The following PKD2L1 variants were observed in gnomAD, a reference collection of about 807,000 sequenced individuals.
The protein encoded by PKD2L1 is polycystin 2 like 1, transient receptor potential cation channel.
In PKD2L1, 77 loss-of-function variants were observed where a neutral mutation model predicts 93.0. That is an observed-to-expected ratio of 0.83 (90% CI 0.69 to 1.00). The LOEUF (loss-of-function observed/expected upper bound fraction) is 1.00, where lower values mean the gene tolerates loss of function less well. Ranked by LOEUF, PKD2L1 falls within the 50% of genes least tolerant of loss-of-function variation. PKD2L1 has a pLI of 0.00. For missense variants in PKD2L1, 977 were observed against 990.9 expected (o/e 0.99, Z 0.19); for synonymous variants, 390 against 388.0 (o/e 1.01, Z -0.06).
chr10:100,308,100 G>A (rs1439232141), intron 2 of PKD2L1, among the ~76,000 whole-genome samples: 19 of 152,082 alleles, frequency 1.2e-4, no homozygotes, highest in Admixed American at 1.2e-3. Context: ...AATGTAGAGA[G>A]TATCTGATTT....
intron 2 of PKD2L1, among the ~76,000 whole-genome samples, chr10:100,315,278 C>T (rs565267033): frequency 6.6e-6 from 1 of 152,154 alleles, no homozygotes; most frequent in South Asian, 2.1e-4. Context: ...TGGTTTGCTG[C>T]ACCTATCAAC....
At chr10:100,329,754 C>T (rs929986165) in intron 1 of PKD2L1, 115 bp downstream of exon 1, 13 of 725,698 alleles carry the variant, frequency 1.8e-5, no homozygotes, top group South Asian at 5.3e-5. Context: ...CCCAAAGTGA[C>T]ACCGAAAGGT....
At chr10:100,314,681 G>C (rs1383226720) in intron 2 of PKD2L1, among the ~76,000 whole-genome samples, 1 of 152,032 alleles carries the variant, frequency 6.6e-6, no homozygotes, top group Non-Finnish European at 1.5e-5. Context: ...CATCCTTCTA[G>C]TGTAAACCAA....
At chr10:100,311,358 C>T (rs1389642524) in intron 2 of PKD2L1, among the ~76,000 whole-genome samples, 2 of 152,154 alleles carry the variant, frequency 1.3e-5, no homozygotes, top group Admixed American at 1.3e-4. Flanking sequence ...TTTACTGTAT[C>T]TGCACTTTTT....
Position 100,298,690 on chromosome 10 carries a change from C to T in PKD2L1, c.603G>A (p.Arg201=). 1 of 1,614,172 alleles carries T rather than the reference C, an allele frequency of 6.2e-7. No homozygotes were observed. The highest frequency in any genetic ancestry group is 8.5e-7 in the Non-Finnish European group (1 of 1,180,024). Residue 201 remains arginine, a synonymous_variant, in exon 4 of 16, where the codon CGG becomes CGA. Coordinates refer to ENST00000318222, the MANE Select transcript of PKD2L1 (RefSeq NM_016112.3). The stretch of plus-strand genomic sequence containing the variant: ...AGGAGTCATTGCGGACCTTTAGCTG[C>T]CGCAGCCTCGGAACCCCCAGCAGCA... ...ENMLLGVPRL[R]QLKVRNDSCV...
intron 2 of PKD2L1, among the ~76,000 whole-genome samples, chr10:100,328,292 G>A (rs1039884517): frequency 6.6e-6 from 1 of 151,974 alleles, no homozygotes; most frequent in Non-Finnish European, 1.5e-5. Context: ...CTTTTCACTT[G>A]CTTCTCTCAA....
chr10:100,297,993 C>A (rs903039084), intron 4 of PKD2L1, among the ~76,000 whole-genome samples: 1 of 152,078 alleles, frequency 6.6e-6, no homozygotes, highest in African/African-American at 2.4e-5. Context: ...CTTGAATAGT[C>A]CCCCTAAGGG....
intron 2 of PKD2L1, among the ~76,000 whole-genome samples, chr10:100,322,179 C>T (rs1237561225): frequency 6.6e-6 from 1 of 152,052 alleles, no homozygotes; most frequent in Non-Finnish European, 1.5e-5. Flanking sequence ...GAGGTTACAC[C>T]ACCGCATAAC....
chr10:100,294,514 A>G (rs1051069583), intron 9 of PKD2L1, 21 bp downstream of exon 9: 1 of 1,613,762 alleles, frequency 6.2e-7, no homozygotes, highest in Non-Finnish European at 8.5e-7. Context: ...CTATGTCCCC[A>G]CCCCTCAGAG....
chr10:100,294,410 C>T (rs762739009), intron 9 of PKD2L1, 125 bp downstream of exon 9: 46 of 991,412 alleles, frequency 4.6e-5, no homozygotes, highest in East Asian at 2.5e-5. Flanking sequence ...ATCCAGACAT[C>T]GGCCCCCCCA....
intron 1 of PKD2L1, 161 bp from the exon 2 acceptor site, chr10:100,329,485 C>T (rs1849456327): frequency 1.1e-6 from 1 of 947,532 alleles, no homozygotes; most frequent in Non-Finnish European, 1.6e-6. Context: ...CACACCCATG[C>T]TTGCTCTTCC....
At chr10:100,301,303 T>A (rs888967852) in intron 2 of PKD2L1, among the ~76,000 whole-genome samples, 1 of 151,976 alleles carries the variant, frequency 6.6e-6, no homozygotes. Context: ...CTTAACAGGG[T>A]TCAAGAGCAG....
rs931778687 is a variant in PKD2L1 at position 100,322,043 on chromosome 10, C to T, written c.349+7168G>A. Among the ~76,000 whole-genome samples, 12 of 151,796 alleles carry T rather than the reference C, an allele frequency of 7.9e-5. No homozygotes were observed. The East Asian group carries it at 2.0e-3, about 25-fold the overall frequency. On this transcript the variant is annotated intron_variant, in intron 2 of 15. Transcript: ENST00000318222. ...GAGTTCGAGACCAGACTGGGCAACA[C>T]GGGGAAGCCCCGTCTCTATGAAAAA...
chr10:100,304,127 T>C (rs998497818), intron 2 of PKD2L1, among the ~76,000 whole-genome samples: 4 of 152,236 alleles, frequency 2.6e-5, no homozygotes, highest in African/African-American at 9.6e-5. Context: ...ACTTTTTAAA[T>C]TGAAGTGCAT....
Position 100,297,573 on chromosome 10 carries a change from G to T in PKD2L1, c.765C>A (p.Gly255=), listed in dbSNP as rs1359040510. ...WTYHSQDELG[G]FSHWGRLTSY... ...TTGTGAGCCTGCCCCAGTGGGAGAA[G>T]CCCCCCAACTCATCCTGCGAGTGGT... Residue 255 remains glycine (G), a synonymous_variant, in exon 5 of 16, where the codon GGC becomes GGA. Coordinates refer to ENST00000318222, the MANE Select transcript of PKD2L1 (RefSeq NM_016112.3). 1 of 1,613,704 alleles carries T rather than the reference G, an allele frequency of 6.2e-7. No individual in the cohort carries two copies. Among genetic ancestry groups the T allele is most frequent in the East Asian group, 2.2e-5 (1 of 44,870 alleles).
intron 2 of PKD2L1, among the ~76,000 whole-genome samples, chr10:100,308,620 C>T (rs1414606183): frequency 1.3e-5 from 2 of 152,212 alleles, no homozygotes; most frequent in African/African-American, 4.8e-5. Context: ...CAGGCATGAG[C>T]CACTGCGCCA....
chr10:100,329,931 T>G lies in PKD2L1; in HGVS notation c.173A>C (p.Gln58Pro). 6.2e-7 allele frequency: 1 copy of G among 1,614,058 alleles called. No homozygotes were observed. Among genetic ancestry groups the G allele is most frequent in the Non-Finnish European group, 8.5e-7 (1 of 1,179,928 alleles). Residue 58 changes from glutamine to proline, a missense_variant, in exon 1 of 16, where the codon CAG becomes CCG. Physicochemically the swap from Gln to Pro is moderately conservative, Grantham distance 76. Coordinates refer to ENST00000318222, the MANE Select transcript of PKD2L1 (RefSeq NM_016112.3). ...CACCTGGGTCCTGTATGCCGTCTCC[T>G]GGGGTTCATCTTCAGGCTTCTTGGG... The part of the protein sequence containing the change: ...PQPKKPEDEP[Q>P]ETAYRTQVSS...
At chr10:100,300,673 A>G (rs1848654819) in intron 2 of PKD2L1, among the ~76,000 whole-genome samples, 1 of 152,158 alleles carries the variant, frequency 6.6e-6, no homozygotes. Context: ...GGAACTACAC[A>G]TTGCCTGTTC....
chr10:100,304,989 A>G (rs536559309), intron 2 of PKD2L1, among the ~76,000 whole-genome samples: 37 of 152,324 alleles, frequency 2.4e-4, no homozygotes, highest in South Asian at 1.2e-3. Flanking sequence ...AGGCAACTCA[A>G]TAAGTAGTTG....
Sources: gnomAD v4.1 joint callset for allele counts (sites outside exome capture counted in the v4.1 genomes callset) on GRCh38, gnomAD v4.1.1 for gene constraint, MANE v1.5 for transcripts, NCBI Gene and HGNC (gene_info 2026-07-23, HGNC 2026-07-21) for gene names.